SAE1: variants seen among roughly 807,000 people sequenced by gnomAD.
The protein encoded by SAE1 is SUMO-activating enzyme subunit 1.
In SAE1, 11 loss-of-function variants were observed where a neutral mutation model predicts 40.6. The ratio of observed to expected loss-of-function variants is 0.27; its 90% CI spans 0.17 to 0.45. SAE1 has a LOEUF of 0.45. SAE1 is among the 20% of genes least tolerant of loss of function. The pLI is 1.00. For missense variants in SAE1, 373 were observed against 427.3 expected (o/e 0.87, Z 1.12); for synonymous variants, 155 against 154.3 (o/e 1.00, Z -0.03).
chr19:47,182,394 G>A (rs2058512147), intron 6 of SAE1, among the ~76,000 whole-genome samples: 2 of 151,982 alleles, frequency 1.3e-5, no homozygotes, highest in South Asian at 2.1e-4. Context: ...GCAGCTGAGT[G>A]CTTGTTGATT....
intron 2 of SAE1, among the ~76,000 whole-genome samples, chr19:47,149,358 A>G (rs187368060): frequency 2.0e-5 from 3 of 151,140 alleles, no homozygotes; most frequent in African/African-American, 7.3e-5. Flanking sequence ...TTTAGTAGAG[A>G]TGGCATTTCA....
At chr19:47,143,110 T>C (rs77687751) in intron 1 of SAE1, among the ~76,000 whole-genome samples, 2 of 145,638 alleles carry the variant, frequency 1.4e-5, no homozygotes, top group Non-Finnish European at 1.5e-5. Flanking sequence ...ACCAAAATGA[T>C]TTTTTTTTTT....
chr19:47,197,181 C>CAAAAAA, intron 6 of SAE1, 52 bp from the exon 7 acceptor site: 1 of 1,383,240 alleles, frequency 7.2e-7, no homozygotes, highest in South Asian at 1.4e-5. Flanking sequence ...CCTCCATCTC[C>CAAAAAA]AAAAAAAAAA....
intron 6 of SAE1, among the ~76,000 whole-genome samples, chr19:47,182,553 C>T (rs1008523577): frequency 4.0e-5 from 6 of 151,314 alleles, no homozygotes; most frequent in Admixed American, 2.0e-4. Context: ...AGAATGCAGA[C>T]CACAGTCATT....
At position 47,169,880 on chromosome 19, in the gene SAE1, G is replaced by C; in HGVS notation, c.690G>C (p.Lys230Asn). The C allele has an allele frequency of 6.2e-7, 1 of 1,614,180 alleles. No homozygotes were observed. The highest frequency in any genetic ancestry group is 8.5e-7 in the Non-Finnish European group (1 of 1,180,014). Residue 230 changes from lysine (K) to asparagine (N), a missense_variant, in exon 6 of 9, where the codon AAG becomes AAC. By Grantham distance (94) the Lys-to-Asn change is moderately conservative. Transcript: ENST00000270225. Reference sequence around the variant, plus strand: ...TGGACTGGAGCAGTGAGAAAGCAAAGGCTGCTCTGAAGCGCACGACCTCCG... The same window carrying C: ...TGGACTGGAGCAGTGAGAAAGCAAACGCTGCTCTGAAGCGCACGACCTCCG... ...LEVDWSSEKA[K>N]AALKRTTSDY...
intron 3 of SAE1, 51 bp from the exon 4 acceptor site, chr19:47,152,847 T>C (rs2058295772): frequency 3.8e-6 from 6 of 1,573,704 alleles, no homozygotes; most frequent in Non-Finnish European, 4.4e-6. Context: ...ATCAGGGCAG[T>C]GATTCACAGT....
intron 2 of SAE1, among the ~76,000 whole-genome samples, chr19:47,147,781 C>G (rs1392458068): frequency 6.8e-6 from 1 of 146,004 alleles, no homozygotes; most frequent in Non-Finnish European, 1.5e-5. Context: ...TTTTTTGAGA[C>G]AGAGTCTCGC....
chr19:47,165,322 T>G (rs557851837), intron 5 of SAE1, among the ~76,000 whole-genome samples: 2 of 151,066 alleles, frequency 1.3e-5, no homozygotes, highest in East Asian at 3.9e-4. Context: ...ACTCCTGACC[T>G]CAGGTGGTCT....
chr19:47,137,090 T>C (rs1391066819), intron 1 of SAE1, among the ~76,000 whole-genome samples: 3 of 152,064 alleles, frequency 2.0e-5, no homozygotes, highest in African/African-American at 4.8e-5. Context: ...GGGACTGTTG[T>C]GGATTAAAAG....
At chr19:47,136,609 G>A (rs1295575073) in intron 1 of SAE1, among the ~76,000 whole-genome samples, 1 of 146,216 alleles carries the variant, frequency 6.8e-6, no homozygotes, top group Non-Finnish European at 1.5e-5. Flanking sequence ...AATTCTTCTG[G>A]TTCAGCCTCC....
At chr19:47,141,419 G>A (rs1055955142) in intron 1 of SAE1, among the ~76,000 whole-genome samples, 1 of 152,180 alleles carries the variant, frequency 6.6e-6, no homozygotes, top group Non-Finnish European at 1.5e-5. Flanking sequence ...TGGGATTACA[G>A]GCATGAGTCA....
chr19:47,155,840 A>C (rs1387920471), intron 5 of SAE1, among the ~76,000 whole-genome samples: 1 of 147,216 alleles, frequency 6.8e-6, no homozygotes, highest in African/African-American at 2.5e-5. Context: ...TCCCAGGTTC[A>C]AGAGATTTTC....
chr19:47,166,046 G>A (rs1348296342), intron 5 of SAE1, among the ~76,000 whole-genome samples: 2 of 152,182 alleles, frequency 1.3e-5, no homozygotes, highest in Admixed American at 6.5e-5. Context: ...ACCACACTCT[G>A]GATACCTGGG....
intron 6 of SAE1, among the ~76,000 whole-genome samples, chr19:47,192,994 A>G (rs916345289): frequency 6.6e-6 from 1 of 151,972 alleles, no homozygotes; most frequent in Non-Finnish European, 1.5e-5. Flanking sequence ...CTACAAAAGT[A>G]GAAGTATTGG....
In SAE1 at chr19:47,150,347, C is replaced by G. The variant is rs1341064084; in HGVS notation, c.356C>G (p.Pro119Arg). 1.9e-6 allele frequency: 3 copies of G among 1,601,312 alleles called. No homozygotes were observed. The highest frequency in any genetic ancestry group is 1.1e-5 in the South Asian group (1 of 88,100). The change falls in exon 3 of 9, where the codon CCA becomes CGA. Residue 119 changes from proline (P) to arginine (R), a missense_variant. Transcript: ENST00000270225. The stretch of plus-strand genomic sequence containing the variant: ...GACACTGAGGATATAGAGAAGAAAC[C>G]AGAGTCATTTTTCACTCAATTCGAT... ...KVDTEDIEKK[P>R]ESFFTQFDAV...
chr19:47,170,036 T>C, intron 6 of SAE1, 113 bp downstream of exon 6: 1 of 761,970 alleles, frequency 1.3e-6, no homozygotes. Context: ...GCATTCTTCA[T>C]TGGCTAGTTC....
At chr19:47,197,764 G>C (rs1407403623) in intron 7 of SAE1, among the ~76,000 whole-genome samples, 1 of 152,174 alleles carries the variant, frequency 6.6e-6, no homozygotes, top group African/African-American at 2.4e-5. Context: ...GGAGTTTATT[G>C]AACCAGTTGC....
intron 6 of SAE1, among the ~76,000 whole-genome samples, chr19:47,181,270 C>T (rs1282099168): frequency 2.0e-5 from 3 of 151,722 alleles, no homozygotes; most frequent in Admixed American, 6.6e-5. Context: ...GAGCCGAGAT[C>T]GCGCCATTGC....
chr19:47,180,329 C>A, intron 6 of SAE1: 1 of 453,378 alleles, frequency 2.2e-6, no homozygotes, highest in Non-Finnish European at 4.4e-6. Flanking sequence ...CCTGCTATGC[C>A]AGAAAGTAAG....
Sources: gnomAD v4.1 joint callset for allele counts (sites outside exome capture counted in the v4.1 genomes callset) on GRCh38, gnomAD v4.1.1 for gene constraint, MANE v1.5 for transcripts, NCBI Gene and HGNC (gene_info 2026-07-23, HGNC 2026-07-21) for gene names.